Variants in PRDX4 observed in about 807,000 individuals in gnomAD.
PRDX4 encodes the protein peroxiredoxin-4.
In PRDX4, 12 loss-of-function variants were observed where a neutral mutation model predicts 20.5. The observed-to-expected ratio is 0.58, with a 90% CI of 0.37 to 0.95. The LOEUF is 0.95. Ranked by LOEUF, PRDX4 falls within the 40% of genes least tolerant of loss-of-function variation. The pLI, the probability that PRDX4 is intolerant of heterozygous loss-of-function variation, is 0.01. For missense variants in PRDX4, 180 were observed against 207.3 expected (o/e 0.87, Z 0.81); for synonymous variants, 99 against 87.5 (o/e 1.13, Z -0.73).
chrX:23,681,293 A>C (rs1344726232), intron 4 of PRDX4, among the ~76,000 whole-genome samples: 1 of 112,295 alleles, frequency 8.9e-6, no homozygotes, highest in African/African-American at 3.2e-5. Flanking sequence ...AGAGTTGTGC[A>C]ACCATCACCA....
intron 2 of PRDX4, among the ~76,000 whole-genome samples, chrX:23,672,570 T>C (rs929172126): frequency 8.9e-6 from 1 of 112,330 alleles, no homozygotes; most frequent in African/African-American, 3.2e-5. Flanking sequence ...AACACTATTT[T>C]GAGTGTTTTT....
intron 2 of PRDX4, 91 bp from the exon 3 acceptor site, chrX:23,674,899 T>C: frequency 9.3e-7 from 1 of 1,074,307 alleles, no homozygotes; most frequent in Non-Finnish European, 1.2e-6. Context: ...GCATTTTTAT[T>C]ATTAAAGGTA....
At chrX:23,679,366 T>C in intron 4 of PRDX4, 79 bp downstream of exon 4, 1 of 1,013,577 alleles carries the variant, frequency 9.9e-7, no homozygotes, top group South Asian at 2.5e-5. Flanking sequence ...ATTTATGAAA[T>C]AGAAGAACAA....
intron 4 of PRDX4, 125 bp from the exon 5 acceptor site, chrX:23,682,271 C>T: frequency 3.2e-6 from 1 of 313,805 alleles, no homozygotes; most frequent in Non-Finnish European, 5.2e-6. Flanking sequence ...GTGTGTATAC[C>T]ATTGGAGTAG....
At chrX:23,674,539 C>T (rs1406650429) in intron 2 of PRDX4, among the ~76,000 whole-genome samples, 3 of 109,381 alleles carry the variant, frequency 2.7e-5, no homozygotes, top group Non-Finnish European at 5.7e-5. Context: ...GAAAACATTG[C>T]CTCCTCTCCA....
Position 23,671,638 on chromosome X carries a change from A to G in PRDX4, c.351A>G (p.Pro117=), listed in dbSNP as rs750727489. The change falls in exon 2 of 7, where the codon CCA becomes CCG. Residue 117 remains proline (P), a synonymous_variant. Transcript: ENST00000379341. ...AATACTTGGTTTTCTTCTTCTACCC[A>G]CTTGATTTGTAAGTAATACATGTAA... ...RGKYLVFFFY[P]LDFTFVCPTE... 2 of 1,170,003 alleles carry G rather than the reference A, an allele frequency of 1.7e-6. No individual in the cohort carries two copies. The highest frequency in any genetic ancestry group is 3.0e-5 in the East Asian group (1 of 33,072).
chrX:23,675,704 C>G lies in PRDX4; in HGVS notation c.476+598C>G, dbSNP rs181557904. ...GTGGACAAAAATTGAAGAAACGGCA[C>G]TCACACACAGCTGTTTAGCATTTCT... On this transcript the variant is annotated intron_variant, in intron 3 of 6. Coordinates refer to ENST00000379341, the MANE Select transcript of PRDX4 (RefSeq NM_006406.2). Among the ~76,000 whole-genome samples, 350 of 112,065 alleles carry G rather than the reference C, an allele frequency of 3.1e-3. 2 individuals are homozygous for G. The highest frequency in any genetic ancestry group is 7.9e-3 in the Admixed American group (83 of 10,536).
At chrX:23,667,868 G>A (rs1369333182) in intron 1 of PRDX4, 57 bp downstream of exon 1, 28 of 1,185,322 alleles carry the variant, frequency 2.4e-5, no homozygotes, top group Non-Finnish European at 2.8e-5. Flanking sequence ...CGTGTACCCC[G>A]GTTACACCCC....
intron 2 of PRDX4, 105 bp from the exon 3 acceptor site, chrX:23,674,885 A>G: frequency 1.9e-6 from 2 of 1,026,041 alleles, no homozygotes; most frequent in Non-Finnish European, 2.6e-6. Flanking sequence ...ATTGTTCTTA[A>G]TGTGCATTTT....
At chrX:23,679,415 T>G in intron 4 of PRDX4, 128 bp downstream of exon 4, 45 of 799,114 alleles carry the variant, frequency 5.6e-5, no homozygotes, top group Non-Finnish European at 7.4e-5. Context: ...CCAGGCACGG[T>G]AGCTCAAGCC....
intron 4 of PRDX4, among the ~76,000 whole-genome samples, chrX:23,681,637 A>G (rs1381966097): frequency 8.9e-6 from 1 of 112,684 alleles, no homozygotes; most frequent in Admixed American, 9.5e-5. Flanking sequence ...AATATGCCCC[A>G]AAAACGACTG....
At chrX:23,670,872 G>A (rs191377388) in intron 1 of PRDX4, among the ~76,000 whole-genome samples, 1 of 111,940 alleles carries the variant, frequency 8.9e-6, no homozygotes, top group African/African-American at 3.2e-5. Flanking sequence ...GTGTATGTCA[G>A]AAGCTGGACA....
chrX:23,680,051 C>T (rs192170853), intron 4 of PRDX4, among the ~76,000 whole-genome samples: 11 of 112,325 alleles, frequency 9.8e-5, no homozygotes, highest in African/African-American at 3.5e-4. Context: ...AAACTTAAAC[C>T]GTTAGTTTAT....
At chrX:23,682,787 C>G (rs1323827273) in intron 5 of PRDX4, among the ~76,000 whole-genome samples, 1 of 81,792 alleles carries the variant, frequency 1.2e-5, no homozygotes, top group African/African-American at 4.8e-5. Context: ...TCAAGACCAG[C>G]CTGGGCAACC....
intron 3 of PRDX4, 108 bp downstream of exon 3, chrX:23,675,214 A>G (rs1177435518): frequency 3.4e-6 from 4 of 1,169,441 alleles, no homozygotes; most frequent in Non-Finnish European, 4.6e-6. Flanking sequence ...TTATCAGACA[A>G]TTCAGGAATA....
At chrX:23,669,179 C>T (rs1927794285) in intron 1 of PRDX4, among the ~76,000 whole-genome samples, 2 of 111,978 alleles carry the variant, frequency 1.8e-5, no homozygotes, top group South Asian at 7.4e-4. Context: ...CTGCCTTGGC[C>T]TCCCAAAGTG....
At chrX:23,670,804 A>G (rs1208754753) in intron 1 of PRDX4, among the ~76,000 whole-genome samples, 1 of 112,064 alleles carries the variant, frequency 8.9e-6, no homozygotes, top group East Asian at 2.8e-4. Context: ...TTCTGGCCTG[A>G]CATATTTGTA....
Position 23,682,540 on chromosome X carries a change from C to G in PRDX4, c.730+14C>G. 1.8e-6 allele frequency: 2 copies of G among 1,109,869 alleles called. No homozygotes were observed. The highest frequency in any genetic ancestry group is 2.4e-6 in the Non-Finnish European group (2 of 838,464). The allele number at this position is 1,109,869 out of a possible 1,213,427, so 91.5% of individuals were successfully genotyped here. A position where few individuals can be genotyped will look rare whatever the true frequency, so the allele number is the denominator to read the frequency against. On this transcript the variant is annotated intron_variant, in intron 5 of 6. Coordinates refer to ENST00000379341, the MANE Select transcript of PRDX4 (RefSeq NM_006406.2). ...AACACGGAGAAGGTACCTCTCCCTT[C>G]TAACCTTTTGATTTTTTAGTTTGAA...
At chrX:23,684,502 AT>A (rs758947822) in intron 6 of PRDX4, among the ~76,000 whole-genome samples, 3 of 109,681 alleles carry the variant, frequency 2.7e-5, no homozygotes, top group African/African-American at 9.9e-5. Flanking sequence ...AGGCTGTATA[AT>A]TTTTTTTTCT....
Sources: allele counts gnomAD v4.1 joint callset (sites outside exome capture counted in the v4.1 genomes callset), GRCh38; gene constraint gnomAD v4.1.1; transcripts MANE v1.5; gene names NCBI Gene and HGNC (gene_info 2026-07-23, HGNC 2026-07-21).